The following TNN variants were observed in gnomAD, a reference collection of about 807,000 sequenced individuals.
TNN encodes the protein tenascin N.
A neutral mutation model predicts 134.4 loss-of-function variants in TNN; 122 were observed. The observed-to-expected ratio is 0.91, with a 90% CI of 0.78 to 1.06. TNN has a LOEUF of 1.06. Among genes scored for constraint, TNN ranks in the 50% least tolerant of loss-of-function variants. The probability of loss-of-function intolerance (pLI) is 0.00; values close to 1 mark genes in which losing one functional copy is unlikely to be tolerated. For synonymous variants in TNN, 710 were observed against 670.3 expected, an observed-to-expected ratio of 1.06 and a Z score of -0.91; for missense variants, 1,739 against 1,699.4, an observed-to-expected ratio of 1.02 and a Z score of -0.41.
intron 6 of TNN, among the ~76,000 whole-genome samples, chr1:175,088,596 C>T (rs150482243): frequency 6.6e-6 from 1 of 152,350 alleles, no homozygotes; most frequent in Non-Finnish European, 1.5e-5. Context: ...ATTACTTCCC[C>T]AGGGAAAGCC....
At chr1:175,115,366 C>T (rs527240907) in intron 9 of TNN, among the ~76,000 whole-genome samples, 1 of 152,210 alleles carries the variant, frequency 6.6e-6, no homozygotes, top group African/African-American at 2.4e-5. Context: ...AGCTCAGGCC[C>T]CTACGAGTAG....
chr1:175,109,329 G>C (rs6691986), intron 9 of TNN, among the ~76,000 whole-genome samples: 96,193 of 148,914 alleles, frequency 0.65, 32,913 homozygotes, highest in African/African-American at 0.89. Context: ...ACCTCATGAT[G>C]CACCCGCCTC....
Position 175,094,202 on chromosome 1 carries a change from G to A in TNN, c.1537G>A (p.Ala513Thr). 6.2e-7 allele frequency: 1 copy of A among 1,612,792 alleles called. No homozygotes were observed. Among genetic ancestry groups the A allele is most frequent in the South Asian group, 1.1e-5 (1 of 90,924 alleles). The change falls in exon 7 of 19, where the codon GCT (alanine) becomes ACT (threonine). Residue 513 changes from alanine to threonine, a missense_variant. Transcript: ENST00000239462. Reference protein sequence around the residue: ...PGEAYKVYVWAERGNQGSKKA... With the variant: ...PGEAYKVYVWTERGNQGSKKA... ...AGAGGCATACAAGGTCTACGTGTGGGCTGAAAGGGGCAACCAGGGGAGCAA... is the reference window on the plus strand; with the variant it reads ...AGAGGCATACAAGGTCTACGTGTGGACTGAAAGGGGCAACCAGGGGAGCAA...
intron 6 of TNN, among the ~76,000 whole-genome samples, chr1:175,091,173 A>T (rs967838774): frequency 6.6e-6 from 1 of 152,310 alleles, no homozygotes. Context: ...GTGTCTCAGC[A>T]CCTGATCCCC....
chr1:175,070,134 G>T (rs893668927), intron 1 of TNN, among the ~76,000 whole-genome samples: 4 of 152,182 alleles, frequency 2.6e-5, no homozygotes, highest in Non-Finnish European at 5.9e-5. Context: ...AAAGCTAAAG[G>T]AAGTTCTTGC....
At position 175,118,614 on chromosome 1, in the gene TNN, A is replaced by T; in HGVS notation, c.2440A>T (p.Thr814Ser). The change falls in exon 11 of 19, where the codon ACT (threonine) becomes TCT (serine). Residue 814 changes from threonine (T) to serine (S), a missense_variant. By Grantham distance (58) the Thr-to-Ser change is moderately conservative (BLOSUM62 1). Transcript: ENST00000239462. ...TGACTGGGTGACAGAGAATACAGCCACTGTCTCCTGGGACCCGGTGCAGGC... is the reference window on the plus strand; with the variant it reads ...TGACTGGGTGACAGAGAATACAGCCTCTGTCTCCTGGGACCCGGTGCAGGC... Reference protein sequence around the residue: ...VTDWVTENTATVSWDPVQATI... With the variant: ...VTDWVTENTASVSWDPVQATI... 1 of 1,614,064 alleles carries T rather than the reference A, an allele frequency of 6.2e-7. No homozygotes were observed. Among genetic ancestry groups the T allele is most frequent in the South Asian group, 1.1e-5 (1 of 91,078 alleles).
chr1:175,145,552 C>CAAAAAA (rs3028580), intron 18 of TNN, among the ~76,000 whole-genome samples: 7,834 of 28,650 alleles, frequency 0.27, 2,257 homozygotes, highest in East Asian at 0.38. Context: ...GACCCTGTCT[C>CAAAAAA]AAAAAAAAAA....
At chr1:175,108,338 G>A (rs1209309007) in intron 9 of TNN, among the ~76,000 whole-genome samples, 2 of 152,232 alleles carry the variant, frequency 1.3e-5, no homozygotes, top group Admixed American at 6.5e-5. Context: ...TACAATCTCT[G>A]AGCTAGATAT....
At chr1:175,135,136 G>A (rs1324612392) in intron 15 of TNN, among the ~76,000 whole-genome samples, 1 of 152,090 alleles carries the variant, frequency 6.6e-6, no homozygotes, top group Non-Finnish European at 1.5e-5. Context: ...TGGCTCCTTG[G>A]TCAGGTCCTC....
intron 7 of TNN, among the ~76,000 whole-genome samples, chr1:175,096,972 A>T (rs77025415): frequency 0.019 from 2,867 of 152,326 alleles, 90 homozygotes; most frequent in African/African-American, 0.065. Flanking sequence ...GTAATGTTTT[A>T]TATGGAAAGA....
At position 175,097,591 on chromosome 1, in the gene TNN, C is replaced by G; in HGVS notation, c.1763C>G (p.Thr588Arg). 1 of 1,614,214 alleles carries G rather than the reference C, an allele frequency of 6.2e-7. No individual in the cohort carries two copies. ...VGKEQSSTVL[T>R]GLRPGVEYTV... ...AAGGAGCAGAGCAGCACTGTCCTGA[C>G]AGGCCTGAGGCCAGGTGTGGAGTAC... The change falls in exon 8 of 19, where the codon ACA becomes AGA. Residue 588 changes from threonine (T) to arginine (R), a missense_variant. By Grantham distance (71) the Thr-to-Arg change is moderately conservative (BLOSUM62 -1). Transcript: ENST00000239462.
chr1:175,118,582 T>C lies in TNN; in HGVS notation c.2408T>C (p.Leu803Pro), dbSNP rs756857734. 1 of 1,613,870 alleles carries C rather than the reference T, an allele frequency of 6.2e-7. No individual in the cohort carries two copies. The highest frequency in any genetic ancestry group is 1.1e-5 in the South Asian group (1 of 91,024). Residue 803 changes from leucine (L) to proline (P), a missense_variant, in exon 11 of 19, where the codon CTG becomes CCG. By Grantham distance (98) the Leu-to-Pro change is moderately conservative. Transcript: ENST00000239462. Reference protein sequence around the residue: ...AQTDIDSPQNLVTDWVTENTA... With the variant: ...AQTDIDSPQNPVTDWVTENTA... ...TCAGACATTGACAGCCCCCAAAACC[T>C]GGTCACTGACTGGGTGACAGAGAAT...
At chr1:175,083,181 C>A (rs1674238799) in intron 4 of TNN, among the ~76,000 whole-genome samples, 1 of 152,180 alleles carries the variant, frequency 6.6e-6, no homozygotes, top group African/African-American at 2.4e-5. Context: ...AATTCACCTA[C>A]TTTATAGTTT....
intron 7 of TNN, among the ~76,000 whole-genome samples, chr1:175,096,897 C>G (rs566365601): frequency 6.6e-6 from 1 of 152,236 alleles, no homozygotes; most frequent in South Asian, 2.1e-4. Context: ...AAGTTTGATT[C>G]TTTTTATTAG....
At chr1:175,072,807 G>A (rs968496369) in intron 1 of TNN, among the ~76,000 whole-genome samples, 1 of 152,020 alleles carries the variant, frequency 6.6e-6, no homozygotes, top group African/African-American at 2.4e-5. Context: ...AGAAGGACAG[G>A]CAACACCAAG....
chr1:175,074,812 A>AG (rs1674000553), intron 1 of TNN, among the ~76,000 whole-genome samples: 1 of 152,248 alleles, frequency 6.6e-6, no homozygotes, highest in Non-Finnish European at 1.5e-5. Context: ...AGCATTGCAT[A>AG]GGGACATGTA....
At chr1:175,113,376 T>C (rs1276278390) in intron 9 of TNN, among the ~76,000 whole-genome samples, 1 of 152,214 alleles carries the variant, frequency 6.6e-6, no homozygotes, top group Non-Finnish European at 1.5e-5. Context: ...TCTTGGGCTA[T>C]ATCATCCCTT....
chr1:175,077,404 C>G lies in TNN; in HGVS notation c.-15C>G. The G allele has an allele frequency of 6.2e-7, 1 of 1,604,938 alleles. No individual in the cohort carries two copies. The highest frequency in any genetic ancestry group is 8.5e-7 in the Non-Finnish European group (1 of 1,174,340). On this transcript the variant is annotated 5_prime_UTR_variant, in exon 2 of 19. Coordinates refer to ENST00000239462, the MANE Select transcript of TNN (RefSeq NM_022093.2). ...TACAGGCATCCTGGAGGGTCTGCTC[C>G]CTGTCTTTCCAAGGATGAGTCTCCA...
At chr1:175,133,197 T>G (rs1675717391) in intron 15 of TNN, among the ~76,000 whole-genome samples, 1 of 152,354 alleles carries the variant, frequency 6.6e-6, no homozygotes. Flanking sequence ...CAGGTGTGTG[T>G]GGGTACTTTT....
Sources: gnomAD v4.1 joint callset for allele counts (sites outside exome capture counted in the v4.1 genomes callset) on GRCh38, gnomAD v4.1.1 for gene constraint, MANE v1.5 for transcripts, NCBI Gene and HGNC (gene_info 2026-07-23, HGNC 2026-07-21) for gene names.